CYSTM1: variants seen among roughly 807,000 people sequenced by gnomAD.
CYSTM1 encodes the protein cysteine-rich transmembrane module-containing protein 1.
Under a neutral mutation model 13.1 loss-of-function variants are expected in CYSTM1, and 4 were observed. That is an observed-to-expected ratio of 0.31 (90% CI 0.15 to 0.70). CYSTM1 has a LOEUF of 0.70. Among genes scored for constraint, CYSTM1 ranks in the 30% least tolerant of loss-of-function variants. The pLI is 0.72. For synonymous variants in CYSTM1, 36 were observed against 42.7 expected (o/e 0.84, Z 0.62); for missense variants, 96 against 121.6 (o/e 0.79, Z 0.99).
At chr5:140,203,497 A>G (rs1764255332) in intron 2 of CYSTM1, among the ~76,000 whole-genome samples, 1 of 152,240 alleles carries the variant, frequency 6.6e-6, no homozygotes, top group South Asian at 2.1e-4. Flanking sequence ...GCAAAAAGGC[A>G]TATGGGATGG....
At chr5:140,208,040 C>CA (rs997206728) in intron 2 of CYSTM1, among the ~76,000 whole-genome samples, 8 of 152,078 alleles carry the variant, frequency 5.3e-5, no homozygotes, top group African/African-American at 1.9e-4. Flanking sequence ...GGAGGTTCCT[C>CA]AAAAAACTAA....
chr5:140,233,114 T>C (rs772709565), intron 2 of CYSTM1, among the ~76,000 whole-genome samples: 1 of 152,204 alleles, frequency 6.6e-6, no homozygotes, highest in African/African-American at 2.4e-5. Context: ...ACTATAGAAT[T>C]GCTGTGGTTG....
intron 1 of CYSTM1, among the ~76,000 whole-genome samples, chr5:140,176,285 T>G (rs1348278754): frequency 1.3e-5 from 2 of 152,208 alleles, no homozygotes; most frequent in Non-Finnish European, 2.9e-5. Context: ...CAAACCCTGC[T>G]TATGAAATAC....
intron 2 of CYSTM1, among the ~76,000 whole-genome samples, chr5:140,217,781 G>C (rs2126666207): frequency 6.6e-6 from 1 of 152,250 alleles, no homozygotes; most frequent in Middle Eastern, 3.4e-3. Flanking sequence ...AATAAGACAG[G>C]CTTTTCCAAC....
intron 2 of CYSTM1, among the ~76,000 whole-genome samples, chr5:140,220,761 A>G (rs2126667167): frequency 6.6e-6 from 1 of 152,106 alleles, no homozygotes; most frequent in South Asian, 2.1e-4. Flanking sequence ...AGTCTAGAAG[A>G]GTCTTCAAGC....
chr5:140,176,229 A>G (rs1386607889), intron 1 of CYSTM1, among the ~76,000 whole-genome samples: 1 of 152,156 alleles, frequency 6.6e-6, no homozygotes, highest in Non-Finnish European at 1.5e-5. Flanking sequence ...AGTTGGTGTG[A>G]CATTCCGGCA....
chr5:140,241,679 C>T (rs759232600), intron 2 of CYSTM1, among the ~76,000 whole-genome samples: 26 of 152,270 alleles, frequency 1.7e-4, no homozygotes, highest in Middle Eastern at 6.8e-3. Context: ...CCAGAGCTGC[C>T]CATGCAGGAT....
chr5:140,191,538 A>T (rs1159882252), intron 1 of CYSTM1, among the ~76,000 whole-genome samples: 1 of 152,218 alleles, frequency 6.6e-6, no homozygotes, highest in Non-Finnish European at 1.5e-5. Context: ...AAACAAATGG[A>T]TCAATAAAAG....
intron 1 of CYSTM1, among the ~76,000 whole-genome samples, chr5:140,179,185 A>G (rs1291564968): frequency 1.3e-5 from 2 of 152,034 alleles, no homozygotes; most frequent in African/African-American, 2.4e-5. Context: ...GCTGGAGCCC[A>G]GGAGTTTGAG....
At chr5:140,224,694 A>T (rs1764528929) in intron 2 of CYSTM1, among the ~76,000 whole-genome samples, 1 of 151,576 alleles carries the variant, frequency 6.6e-6, no homozygotes, top group Non-Finnish European at 1.5e-5. Context: ...CTACTTAAAA[A>T]TTTTTTTGTA....
At chr5:140,214,339 A>G (rs533832721) in intron 2 of CYSTM1, among the ~76,000 whole-genome samples, 43 of 152,356 alleles carry the variant, frequency 2.8e-4, no homozygotes, top group African/African-American at 1.0e-3. Context: ...TTTATGTAGA[A>G]CATTCTATTT....
intron 2 of CYSTM1, among the ~76,000 whole-genome samples, chr5:140,237,865 G>A (rs1764700446): frequency 6.6e-6 from 1 of 152,138 alleles, no homozygotes; most frequent in Admixed American, 6.5e-5. Context: ...TTTTGTCCAG[G>A]GGCAGCCTCC....
In CYSTM1 at chr5:140,219,690, C is replaced by A. The variant is rs1764468373; in HGVS notation, c.188-23615C>A. ...ACAGGAATCTGGTACCTTTTGAAGC[C>A]AGTTATGGTCTGTATACCTAAGATA... On this transcript the variant is annotated intron_variant, in intron 2 of 2. Transcript: ENST00000261811. This position sits in a 1 kb window ranked among gnomAD's most constrained non-coding sequence, Gnocchi z 4.1. Among the ~76,000 whole-genome samples, 1 of 152,154 alleles carries A rather than the reference C, an allele frequency of 6.6e-6. No individual in the cohort carries two copies. Among genetic ancestry groups the A allele is most frequent in the Non-Finnish European group, 1.5e-5 (1 of 68,030 alleles).
In CYSTM1 at chr5:140,204,776, T is replaced by C. The variant is rs907420039; in HGVS notation, c.187+10124T>C. Among the ~76,000 whole-genome samples, 17 of 151,496 alleles carry C rather than the reference T, an allele frequency of 1.1e-4. 1 individual carries two copies. Among genetic ancestry groups the C allele is most frequent in the East Asian group, 3.9e-4 (2 of 5,126 alleles). ...TGCATCTTCAACAGTGCTGAGCGCG[T>C]GTGTGTGTGTATGTGTATGTGTATA... On this transcript the variant is annotated intron_variant, in intron 2 of 2. Transcript: ENST00000261811.
chr5:140,236,033 G>T (rs956900092), intron 2 of CYSTM1, among the ~76,000 whole-genome samples: 20 of 152,130 alleles, frequency 1.3e-4, no homozygotes, highest in African/African-American at 4.1e-4. Context: ...TTCCCCTCAG[G>T]GTGTGGAAGA....
At chr5:140,217,827 C>A (rs559281283) in intron 2 of CYSTM1, among the ~76,000 whole-genome samples, 1 of 152,248 alleles carries the variant, frequency 6.6e-6, no homozygotes, top group Admixed American at 6.5e-5. Context: ...ATTTGTCCAT[C>A]CACTCATTCA....
intron 2 of CYSTM1, among the ~76,000 whole-genome samples, chr5:140,241,387 G>A (rs1408794141): frequency 6.6e-6 from 1 of 152,194 alleles, no homozygotes; most frequent in Admixed American, 6.5e-5. Context: ...GTGGCCCCAT[G>A]TCCAGAAAGC....
intron 2 of CYSTM1, among the ~76,000 whole-genome samples, chr5:140,211,389 C>A (rs1764366431): frequency 6.6e-6 from 1 of 152,202 alleles, no homozygotes. Context: ...CTACTGAAAT[C>A]CCTGATACTT....
chr5:140,179,087 C>G (rs757451123), intron 1 of CYSTM1, among the ~76,000 whole-genome samples: 8 of 150,610 alleles, frequency 5.3e-5, no homozygotes, highest in Non-Finnish European at 1.0e-4. Context: ...AGGGAGACCC[C>G]ATAGCTACAA....
Sources: gnomAD v4.1 joint callset for allele counts (sites outside exome capture counted in the v4.1 genomes callset) on GRCh38, gnomAD v4.1.1 for gene constraint, Gnocchi (gnomAD v3.1) non-coding constraint, MANE v1.5 for transcripts, NCBI Gene and HGNC (gene_info 2026-07-23, HGNC 2026-07-21) for gene names.